Variants in ARHGEF18 observed in about 807,000 individuals in gnomAD.
ARHGEF18 encodes the protein rho guanine nucleotide exchange factor 18.
A neutral mutation model predicts 155.7 loss-of-function variants in ARHGEF18; 93 were observed. The ratio of observed to expected loss-of-function variants is 0.60; its 90% CI spans 0.50 to 0.71. The LOEUF is 0.71. ARHGEF18 is among the 30% of genes least tolerant of loss of function. ARHGEF18 has a pLI of 0.00. For missense variants in ARHGEF18, 1,593 were observed against 1,816.1 expected, an observed-to-expected ratio of 0.88 and a Z score of 2.23; for synonymous variants, 742 against 753.1, an observed-to-expected ratio of 0.99 and a Z score of 0.24.
Position 7,407,961 on chromosome 19 carries a change from CAAAAAAA to C in ARHGEF18, c.967+24778_967+24784del, listed in dbSNP as rs71179104. 4.5e-4 allele frequency among the ~76,000 whole-genome samples: 22 copies of C among 48,824 alleles called. No individual in the cohort carries two copies. In the East Asian group the frequency reaches 9.6e-3, roughly 21 times the overall value. 32.0% of individuals were successfully genotyped at this position (48,824 alleles called of 152,430 possible). A position where few individuals can be genotyped will look rare whatever the true frequency, so the allele number is the denominator to read the frequency against. ...TGGGCAACAGAGCGAGACTCCGTCTCAAAAAAAAAAAAAAAAAAAAAAAAAAGAGGTA... is the reference window on the plus strand; with the variant it reads ...TGGGCAACAGAGCGAGACTCCGTCTCAAAAAAAAAAAAAAAAAAAGAGGTA... On this transcript the variant is annotated intron_variant, in intron 10 of 28. Transcript: ENST00000668164.
At chr19:7,384,733 C>A (rs1190139292) in intron 10 of ARHGEF18, among the ~76,000 whole-genome samples, 1 of 151,156 alleles carries the variant, frequency 6.6e-6, no homozygotes, top group Non-Finnish European at 1.5e-5. Flanking sequence ...ACTCTGTTGC[C>A]CAGGCTGGAG....
rs561572513 is a variant in ARHGEF18, at chr19:7,424,460, G to A, written c.968-15884G>A. ...CTTTGCGTCCAAAATCTCGTCTCAC[G>A]GAGGCTCTTGTATGAAATTGGAATG... On this transcript the variant is annotated intron_variant, in intron 10 of 28. Coordinates refer to ENST00000668164, the MANE Select transcript of ARHGEF18 (RefSeq NM_001367823.1). 3.1e-4 allele frequency among the ~76,000 whole-genome samples: 47 copies of A among 152,236 alleles called. No individual in the cohort carries two copies. The South Asian group carries it at 8.5e-3, about 28-fold the overall frequency.
downstream of ARHGEF18, chr19:7,477,229 G>A (rs376907856): frequency 1.2e-5 from 18 of 1,527,670 alleles, 1 homozygote; most frequent in Admixed American, 6.7e-5. Context: ...CGGCCTGGCC[G>A]CCGGCCCGGG....
At chr19:7,466,853 A>AGAAGGC in intron 23 of ARHGEF18, 65 bp from the exon 24 acceptor site, 10 of 1,379,906 alleles carry the variant, frequency 7.2e-6, no homozygotes, top group Non-Finnish European at 9.0e-6. Flanking sequence ...AAGAAGAAGA[A>AGAAGGC]GGCTTGAGTC....
chr19:7,473,673 G>A (rs894928765), downstream of ARHGEF18, among the ~76,000 whole-genome samples: 4 of 152,118 alleles, frequency 2.6e-5, no homozygotes, highest in Non-Finnish European at 5.9e-5. Context: ...AGCCGGGCGT[G>A]GTGGCGGGCG....
At position 7,416,728 on chromosome 19, in the gene ARHGEF18, G is replaced by T. The variant is rs972733291; in HGVS notation, c.968-23616G>T. Among the ~76,000 whole-genome samples the T allele has an allele frequency of 4.8e-5, 7 of 145,260 alleles. No individual in the cohort carries two copies. The Admixed American group carries it at 4.9e-4, about 10-fold the overall frequency. On this transcript the variant is annotated intron_variant, in intron 10 of 28. Transcript: ENST00000668164. ...CACCATTCTCCTGCCTCAGCCTCCC[G>T]AGTAGCTGGGACTACAGGTGCCCGC...
chr19:7,364,299 A>G (rs908984549), intron 2 of ARHGEF18, among the ~76,000 whole-genome samples: 1 of 147,888 alleles, frequency 6.8e-6, no homozygotes, highest in Non-Finnish European at 1.5e-5. Flanking sequence ...GGATGGACGG[A>G]TAATGGAGGG....
At chr19:7,368,519 T>C (rs989299376) in intron 2 of ARHGEF18, among the ~76,000 whole-genome samples, 4 of 152,108 alleles carry the variant, frequency 2.6e-5, no homozygotes, top group African/African-American at 9.7e-5. Context: ...TCCCTCAATG[T>C]ACCTACCAGT....
At chr19:7,355,785 C>A in intron 1 of ARHGEF18, 1 of 916,166 alleles carries the variant, frequency 1.1e-6, no homozygotes. Context: ...CCCCTTCGAG[C>A]TTTTTCTTGG....
At position 7,434,020 on chromosome 19, in the gene ARHGEF18, TAAAA is replaced by T. The variant is rs74939736; in HGVS notation, c.968-6310_968-6307del. 1.4e-3 allele frequency among the ~76,000 whole-genome samples: 112 copies of T among 82,226 alleles called. 1 individual carries two copies. The highest frequency in any genetic ancestry group is 4.5e-3 in the African/African-American group (90 of 19,932). The allele number at this position is 82,226 out of a possible 152,430, so 53.9% of individuals were successfully genotyped here. A position where few individuals can be genotyped will look rare whatever the true frequency, so the allele number is the denominator to read the frequency against. On this transcript the variant is annotated intron_variant, in intron 10 of 28. Coordinates refer to ENST00000668164, the MANE Select transcript of ARHGEF18 (RefSeq NM_001367823.1). ...GGCGACAGAGTGAGATCTGTCTCAT[TAAAA>T]AAAAAAAAAAAAAGAAAAAAAAAGT...
chr19:7,371,356 G>A (rs1262799502), intron 2 of ARHGEF18, among the ~76,000 whole-genome samples: 1 of 152,132 alleles, frequency 6.6e-6, no homozygotes, highest in African/African-American at 2.4e-5. Context: ...ATGGGAATGT[G>A]CTTAATGATA....
intron 10 of ARHGEF18, among the ~76,000 whole-genome samples, chr19:7,410,035 G>T (rs556938051): frequency 1.3e-4 from 19 of 145,496 alleles, no homozygotes; most frequent in Non-Finnish European, 2.5e-4. Flanking sequence ...TGATCCACCC[G>T]CCTTGGCCTC....
chr19:7,452,139 C>T (rs1414024738), intron 16 of ARHGEF18, among the ~76,000 whole-genome samples: 4 of 152,242 alleles, frequency 2.6e-5, no homozygotes, highest in Non-Finnish European at 4.4e-5. Flanking sequence ...TGGGCCACTG[C>T]AGGCCCTCAG....
downstream of ARHGEF18, chr19:7,472,983 C>T (rs772692318): frequency 2.6e-5 from 12 of 455,868 alleles, no homozygotes; most frequent in Admixed American, 9.4e-5. Flanking sequence ...ATTACGGGCA[C>T]AGGGCAGGAG....
chr19:7,477,120 C>T (rs914070561), downstream of ARHGEF18: 100 of 1,296,092 alleles, frequency 7.7e-5, no homozygotes, highest in Non-Finnish European at 9.3e-5. Flanking sequence ...ATGAGAGCCC[C>T]GGCCCCTGCC....
chr19:7,400,290 A>G (rs543875127), intron 10 of ARHGEF18, among the ~76,000 whole-genome samples: 5 of 152,262 alleles, frequency 3.3e-5, no homozygotes, highest in African/African-American at 1.2e-4. Flanking sequence ...AGAGTTAAGC[A>G]ACAGTCATCA....
intron 5 of ARHGEF18, 123 bp downstream of exon 5, chr19:7,376,880 G>C: frequency 1.5e-6 from 1 of 661,942 alleles, no homozygotes; most frequent in Non-Finnish European, 2.1e-6. Context: ...TGGGGCTCCA[G>C]ATGGGCCCCA....
At chr19:7,402,231 C>T (rs181259423) in intron 10 of ARHGEF18, among the ~76,000 whole-genome samples, 1 of 152,182 alleles carries the variant, frequency 6.6e-6, no homozygotes, top group East Asian at 1.9e-4. Flanking sequence ...CCAGCCTGGC[C>T]AACATGGTGA....
chr19:7,459,547 C>A (rs1976064443), intron 19 of ARHGEF18, among the ~76,000 whole-genome samples: 1 of 152,172 alleles, frequency 6.6e-6, no homozygotes, highest in South Asian at 2.1e-4. Flanking sequence ...CCGGAGGCTT[C>A]CTGGTGCCTT....
Sources: allele counts gnomAD v4.1 joint callset (sites outside exome capture counted in the v4.1 genomes callset), GRCh38; gene constraint gnomAD v4.1.1; transcripts MANE v1.5; gene names NCBI Gene and HGNC (gene_info 2026-07-23, HGNC 2026-07-21).